EGLN3: variants seen among roughly 807,000 people sequenced by gnomAD.
The protein encoded by EGLN3 is prolyl hydroxylase EGLN3.
A neutral mutation model predicts 26.0 loss-of-function variants in EGLN3; 15 were observed. The observed-to-expected ratio is 0.58, with a 90% CI of 0.39 to 0.89. The LOEUF is 0.89. EGLN3 is among the 40% of genes least tolerant of loss of function. EGLN3 has a pLI of 0.00. For missense variants in EGLN3, 238 were observed against 311.6 expected, an observed-to-expected ratio of 0.76 and a Z score of 1.78; for synonymous variants, 147 against 127.2, an observed-to-expected ratio of 1.16 and a Z score of -1.05.
intron 1 of EGLN3, among the ~76,000 whole-genome samples, chr14:33,945,857 G>A (rs1308722437): frequency 2.6e-5 from 4 of 152,140 alleles, no homozygotes; most frequent in African/African-American, 4.8e-5. Flanking sequence ...ACATGAGAAG[G>A]GTGGGCCAAA....
At position 33,929,199 on chromosome 14, in the gene EGLN3, A is replaced by T; in HGVS notation, c.491T>A (p.Ile164Asn). 6.2e-7 allele frequency: 1 copy of T among 1,614,006 alleles called. No individual in the cohort carries two copies. Among genetic ancestry groups the T allele is most frequent in the Non-Finnish European group, 8.5e-7 (1 of 1,179,938 alleles). ...TTTCCCCTCTGGAAATATCCGCAGG[A>T]TCCCACCATGTAGCTGAAAGACACA... ...KNWDAKLHGG[I>N]LRIFPEGKSF... Residue 164 changes from isoleucine to asparagine, a missense_variant, in exon 3 of 5, where the codon ATC (isoleucine) becomes AAC (asparagine). Physicochemically the swap from Ile to Asn is moderately radical, Grantham distance 149. Coordinates refer to ENST00000250457, the MANE Select transcript of EGLN3 (RefSeq NM_022073.4).
chr14:33,950,342 A>C (rs1438091520), intron 1 of EGLN3, 54 bp downstream of exon 1: 1 of 1,539,924 alleles, frequency 6.5e-7, no homozygotes, highest in Non-Finnish European at 9.0e-7. Flanking sequence ...ACGGACTCCG[A>C]GTGCCTCCCG....
intron 1 of EGLN3, among the ~76,000 whole-genome samples, chr14:33,943,295 C>T (rs2064495945): frequency 6.6e-6 from 1 of 152,188 alleles, no homozygotes; most frequent in Admixed American, 6.5e-5. Context: ...AATGATTTGT[C>T]TGTTGTATTT....
At chr14:33,946,164 G>C (rs2064516422) in intron 1 of EGLN3, among the ~76,000 whole-genome samples, 1 of 152,158 alleles carries the variant, frequency 6.6e-6, no homozygotes, top group African/African-American at 2.4e-5. Flanking sequence ...ATCACCTGAG[G>C]TCGGGAGTTA....
chr14:33,930,986 C>T, intron 2 of EGLN3, 110 bp downstream of exon 2: 2 of 1,434,498 alleles, frequency 1.4e-6, no homozygotes, highest in East Asian at 2.3e-5. Context: ...AATGTTTCAT[C>T]AGTGGGAGAT....
intron 4 of EGLN3, among the ~76,000 whole-genome samples, chr14:33,926,266 A>T (rs1029949577): frequency 6.6e-6 from 1 of 152,142 alleles, no homozygotes; most frequent in Non-Finnish European, 1.5e-5. Flanking sequence ...CAATTTGGAG[A>T]CCACTTTGGT....
At chr14:33,931,045 AT>A in intron 2 of EGLN3, 50 bp downstream of exon 2, 1 of 1,606,376 alleles carries the variant, frequency 6.2e-7, no homozygotes, top group Admixed American at 1.7e-5. Context: ...TATCTGAATC[AT>A]TTTCCTGTAG....
chr14:33,927,057 G>C, intron 3 of EGLN3, 24 bp from the exon 4 acceptor site: 1 of 1,547,530 alleles, frequency 6.5e-7, no homozygotes, highest in South Asian at 1.3e-5. Context: ...GCAGATATAA[G>C]GAAAGAGATT....
chr14:33,947,356 G>T (rs2138829152), intron 1 of EGLN3, among the ~76,000 whole-genome samples: 1 of 152,232 alleles, frequency 6.6e-6, no homozygotes, highest in African/African-American at 2.4e-5. Flanking sequence ...AACACCCTTG[G>T]ATTTTTCTCC....
intron 1 of EGLN3, chr14:33,948,550 CACCCAAAAGATA>C (rs1371079714): frequency 1.3e-5 from 2 of 152,168 alleles, no homozygotes; most frequent in Non-Finnish European, 2.9e-5. Flanking sequence ...TTTTTCATTC[CACCCAAAAGATA>C]ACCTAAAATT....
chr14:33,950,712 A>G lies in EGLN3; in HGVS notation c.41T>C (p.Ile14Thr). The change falls in exon 1 of 5, where the codon ATT becomes ACT. Residue 14 changes from isoleucine (I) to threonine (T), a missense_variant. Physicochemically the swap from Ile to Thr is moderately conservative, Grantham distance 89 (BLOSUM62 -1). Transcript: ENST00000250457. ...GHIMRLDLEK[I>T]ALEYIVPCLH... The stretch of plus-strand genomic sequence containing the variant: ...ACAGGGCACGATGTACTCCAGGGCA[A>G]TTTTCTCCAGGTCCAGCCTCATGAT... 1 of 1,613,776 alleles carries G rather than the reference A, an allele frequency of 6.2e-7. No individual in the cohort carries two copies. The highest frequency in any genetic ancestry group is 1.3e-5 in the African/African-American group (1 of 74,990).
chr14:33,940,642 C>T (rs938944544), intron 1 of EGLN3, among the ~76,000 whole-genome samples: 1 of 151,776 alleles, frequency 6.6e-6, no homozygotes, highest in Non-Finnish European at 1.5e-5. Flanking sequence ...ATGGTGATGC[C>T]TCTTATCCAG....
chr14:33,933,316 A>AAG (rs2064417433), intron 1 of EGLN3, among the ~76,000 whole-genome samples: 1 of 150,700 alleles, frequency 6.6e-6, no homozygotes, highest in East Asian at 1.9e-4. Flanking sequence ...AAAATATTGA[A>AAG]AAAAAAAAAA....
chr14:33,936,718 C>T (rs762037455), intron 1 of EGLN3, among the ~76,000 whole-genome samples: 6 of 149,866 alleles, frequency 4.0e-5, no homozygotes, highest in South Asian at 4.2e-4. Context: ...ACCAAAAAAA[C>T]GTTTAGGTAT....
At chr14:33,928,959 A>G in intron 3 of EGLN3, 117 bp downstream of exon 3, 1 of 1,276,756 alleles carries the variant, frequency 7.8e-7, no homozygotes, top group Non-Finnish European at 1.1e-6. Context: ...CAAGTTTGCT[A>G]TCAGCTATGG....
chr14:33,942,225 C>G (rs1207220356), intron 1 of EGLN3, among the ~76,000 whole-genome samples: 2 of 151,806 alleles, frequency 1.3e-5, no homozygotes, highest in East Asian at 1.9e-4. Flanking sequence ...AACTTCCCCC[C>G]TCAAGGATTT....
chr14:33,942,651 A>C (rs546121497), intron 1 of EGLN3, among the ~76,000 whole-genome samples: 2 of 152,266 alleles, frequency 1.3e-5, no homozygotes, highest in South Asian at 4.1e-4. Context: ...TGTTATTGAC[A>C]CCTGGAATTG....
In EGLN3 at chr14:33,950,327, A is replaced by T. The variant is rs1442446837; in HGVS notation, c.357+69T>A. ...TCGCTTACGGCCCTGGGAAGTCGAC[A>T]TACAACGGACTCCGAGTGCCTCCCG... On this transcript the variant is annotated intron_variant, in intron 1 of 4. Coordinates refer to ENST00000250457, the MANE Select transcript of EGLN3 (RefSeq NM_022073.4). The T allele has an allele frequency of 1.0e-5, 15 of 1,452,388 alleles. No individual in the cohort carries two copies. The East Asian group carries it at 3.4e-4, about 33-fold the overall frequency. 90.0% of individuals were successfully genotyped at this position (1,452,388 alleles called of 1,614,324 possible). A position where few individuals can be genotyped will look rare whatever the true frequency, so the allele number is the denominator to read the frequency against.
At chr14:33,929,680 A>T (rs1308929196) in intron 2 of EGLN3, among the ~76,000 whole-genome samples, 2 of 152,196 alleles carry the variant, frequency 1.3e-5, no homozygotes, top group Non-Finnish European at 2.9e-5. Context: ...TATCAAACTT[A>T]GCTAGAGATA....
Sources: gnomAD v4.1 joint callset for allele counts (sites outside exome capture counted in the v4.1 genomes callset) on GRCh38, gnomAD v4.1.1 for gene constraint, MANE v1.5 for transcripts, NCBI Gene and HGNC (gene_info 2026-07-23, HGNC 2026-07-21) for gene names.